The following ROBO2 variants were observed in gnomAD, a reference collection of about 807,000 sequenced individuals.
ROBO2 encodes the protein roundabout homolog 2.
A neutral mutation model predicts 160.8 loss-of-function variants in ROBO2; 53 were observed. The ratio of observed to expected loss-of-function variants is 0.33; its 90% confidence interval spans 0.26 to 0.41. ROBO2 has a LOEUF of 0.41. ROBO2 is among the 10% of genes least tolerant of loss of function. The pLI, the probability that ROBO2 is intolerant of heterozygous loss-of-function variation, is 1.00. For missense variants in ROBO2, 1,577 were observed against 1,722.4 expected, an observed-to-expected ratio of 0.92 and a Z score of 1.49; for synonymous variants, 664 against 611.7, an observed-to-expected ratio of 1.09 and a Z score of -1.26.
rs138713381 is a variant in ROBO2, at chr3:76,997,664, A to T, written c.110-100350A>T. 2.7e-4 allele frequency among the ~76,000 whole-genome samples: 41 copies of T among 152,332 alleles called. No homozygotes were observed. In the East Asian group the frequency reaches 6.2e-3, roughly 23 times the overall value. On this transcript the variant is annotated intron_variant, in intron 2 of 26. Coordinates refer to the ROBO2 transcript ENST00000487694. ...CAGATCAAGAGTGACATGAGAGAGA[A>T]GATCGTATAAGTTGAGCTTCTGATG...
chr3:77,583,050 T>C lies in ROBO2; in HGVS notation c.2500+2932T>C, dbSNP rs1351047662. Among the ~76,000 whole-genome samples the C allele has an allele frequency of 2.2e-5, 3 of 139,062 alleles. No individual in the cohort carries two copies. The East Asian group carries it at 6.4e-4, about 30-fold the overall frequency. The allele number at this position is 139,062 out of a possible 152,430, so 91.2% of individuals were successfully genotyped here. A position where few individuals can be genotyped will look rare whatever the true frequency, so the allele number is the denominator to read the frequency against. The stretch of plus-strand genomic sequence containing the variant: ...CCAGCTACTCGGGAGGCTGAGGCAG[T>C]AAAATTGCTTGAACTTGGGAGGCGG... On this transcript the variant is annotated intron_variant, in intron 16 of 25. Transcript: ENST00000461745.
At chr3:77,424,751 C>T (rs562320623) in intron 2 of ROBO2, among the ~76,000 whole-genome samples, 9 of 151,982 alleles carry the variant, frequency 5.9e-5, no homozygotes, top group Non-Finnish European at 1.0e-4. Flanking sequence ...ATGAACACTG[C>T]GTGCCCGTGT....
chr3:76,254,964 TA>T (rs550634431), intron 2 of ROBO2, among the ~76,000 whole-genome samples: 274 of 152,072 alleles, frequency 1.8e-3, no homozygotes, highest in South Asian at 0.011. Flanking sequence ...ACATTTCAAT[TA>T]AAAAAAGAGA....
chr3:76,193,714 A>G (rs922520123), intron 2 of ROBO2, among the ~76,000 whole-genome samples: 1 of 152,266 alleles, frequency 6.6e-6, no homozygotes, highest in Non-Finnish European at 1.5e-5. Context: ...TTAAGCTTTC[A>G]TAAAATGGGA....
At chr3:77,141,676 G>T (rs1439979632) in intron 2 of ROBO2, among the ~76,000 whole-genome samples, 2 of 152,148 alleles carry the variant, frequency 1.3e-5, no homozygotes, top group East Asian at 1.9e-4. Flanking sequence ...GACCTTTCTG[G>T]ATGTAATTCT....
intron 2 of ROBO2, among the ~76,000 whole-genome samples, chr3:76,776,451 A>C (rs2062269397): frequency 6.6e-6 from 1 of 150,950 alleles, no homozygotes; most frequent in African/African-American, 2.4e-5. Context: ...AGGCCAACTA[A>C]AAGGAAGATT....
At chr3:76,808,854 T>C (rs922086019) in intron 2 of ROBO2, among the ~76,000 whole-genome samples, 1 of 152,042 alleles carries the variant, frequency 6.6e-6, no homozygotes, top group African/African-American at 2.4e-5. Context: ...AAAAAATTCA[T>C]GCAAAGTGTG....
rs2092697370 is a variant in ROBO2 at position 77,546,332 on chromosome 3, T to C, written c.935-6T>C. ...TTTACACGCTTTCTTTTCTTTTAAATTATAGCTCCCCCACAGTTTGTGGTT... is the reference window on the plus strand; with the variant it reads ...TTTACACGCTTTCTTTTCTTTTAAACTATAGCTCCCCCACAGTTTGTGGTT... On this transcript the variant is annotated splice_polypyrimidine_tract_variant and splice_region_variant and intron_variant, in intron 6 of 25. Transcript: ENST00000461745. 6.2e-7 allele frequency: 1 copy of C among 1,613,012 alleles called. No individual in the cohort carries two copies. Among genetic ancestry groups the C allele is most frequent in the Middle Eastern group, 1.7e-4 (1 of 6,054 alleles).
chr3:77,527,319 T>A lies in ROBO2; in HGVS notation c.934+4417T>A, dbSNP rs1171290197. The A allele has an allele frequency of 4.9e-6, 5 of 1,024,262 alleles. No individual in the cohort carries two copies. In the African/African-American group the frequency reaches 8.3e-5, roughly 17 times the overall value. The allele number at this position is 1,024,262 out of a possible 1,614,324, so 63.4% of individuals were successfully genotyped here. ...TATTGTCCATACTTAAATGTAACATTACACATCATGCATTCTGATAATTTT... is the reference window on the plus strand; with the variant it reads ...TATTGTCCATACTTAAATGTAACATAACACATCATGCATTCTGATAATTTT... On this transcript the variant is annotated intron_variant, in intron 6 of 25. Coordinates refer to ENST00000461745, the Ensembl canonical transcript of ROBO2.
At chr3:76,351,823 A>G (rs1340802236) in intron 2 of ROBO2, among the ~76,000 whole-genome samples, 3 of 151,986 alleles carry the variant, frequency 2.0e-5, no homozygotes, top group Admixed American at 6.6e-5. Flanking sequence ...TACTTAACCT[A>G]CAATGCTCTC....
chr3:75,990,775 G>A (rs2065544205), intron 2 of ROBO2, among the ~76,000 whole-genome samples: 1 of 151,890 alleles, frequency 6.6e-6, no homozygotes, highest in Admixed American at 6.6e-5. Context: ...TTAATTTTTT[G>A]TGTTAACTTT....
intron 2 of ROBO2, among the ~76,000 whole-genome samples, chr3:76,954,980 G>C (rs2079160133): frequency 6.6e-6 from 1 of 152,052 alleles, no homozygotes; most frequent in African/African-American, 2.4e-5. Context: ...TTTACCTCAA[G>C]TTTCTTAATG....
chr3:76,059,155 G>C (rs2067974803), intron 2 of ROBO2, among the ~76,000 whole-genome samples: 1 of 151,716 alleles, frequency 6.6e-6, no homozygotes, highest in South Asian at 2.1e-4. Flanking sequence ...AATCCTTTGG[G>C]TATATACCCA....
chr3:76,636,522 T>G (rs1029130370), intron 2 of ROBO2, among the ~76,000 whole-genome samples: 1 of 152,132 alleles, frequency 6.6e-6, no homozygotes, highest in Non-Finnish European at 1.5e-5. Context: ...AGGAGTAGCA[T>G]CATCATGAGC....
At chr3:77,599,679 G>A (rs1351065346) in intron 19 of ROBO2, among the ~76,000 whole-genome samples, 3 of 151,238 alleles carry the variant, frequency 2.0e-5, no homozygotes, top group African/African-American at 2.4e-5. Flanking sequence ...ATAAAATTTG[G>A]CAAAAAAAAG....
At chr3:75,936,459 A>G (rs1375535418) in intron 1 of ROBO2, among the ~76,000 whole-genome samples, 2 of 152,190 alleles carry the variant, frequency 1.3e-5, no homozygotes, top group African/African-American at 4.8e-5. Context: ...TTAAAATTCC[A>G]TCTGCTAACC....
intron 2 of ROBO2, among the ~76,000 whole-genome samples, chr3:76,327,986 C>T (rs952221355): frequency 6.6e-6 from 1 of 151,622 alleles, no homozygotes; most frequent in Non-Finnish European, 1.5e-5. Flanking sequence ...GAAAGGTTGC[C>T]CTAGATGGGT....
chr3:76,308,876 T>A (rs977080414), intron 2 of ROBO2, among the ~76,000 whole-genome samples: 1 of 152,204 alleles, frequency 6.6e-6, no homozygotes, highest in East Asian at 1.9e-4. Flanking sequence ...AATCTAAACA[T>A]GAAATATTTT....
intron 2 of ROBO2, among the ~76,000 whole-genome samples, chr3:76,731,345 A>T (rs2093634766): frequency 6.6e-6 from 1 of 152,204 alleles, no homozygotes; most frequent in African/African-American, 2.4e-5. Context: ...TGGGTACCAC[A>T]GAACTTCTCA....
Sources: allele counts gnomAD v4.1 joint callset (sites outside exome capture counted in the v4.1 genomes callset), GRCh38; gene constraint gnomAD v4.1.1; transcripts MANE v1.5; gene names NCBI Gene and HGNC (gene_info 2026-07-23, HGNC 2026-07-21).